Variants in NLGN1 observed in about 807,000 individuals in gnomAD.
NLGN1 encodes neuroligin-1.
In NLGN1, 12 loss-of-function variants were observed where a neutral mutation model predicts 65.5. That is an observed-to-expected ratio of 0.18 (90% CI 0.12 to 0.30). NLGN1 has a LOEUF of 0.30. Among genes scored for constraint, NLGN1 ranks in the 10% least tolerant of loss-of-function variants. The pLI, the probability that NLGN1 is intolerant of heterozygous loss-of-function variation, is 1.00. For missense variants in NLGN1, 750 were observed against 1,007.1 expected, an observed-to-expected ratio of 0.74 and a Z score of 3.46; for synonymous variants, 350 against 359.5, an observed-to-expected ratio of 0.97 and a Z score of 0.30.
intron 4 of NLGN1, among the ~76,000 whole-genome samples, chr3:174,042,402 A>T (rs1180027716): frequency 6.6e-6 from 1 of 152,154 alleles, no homozygotes; most frequent in Non-Finnish European, 1.5e-5. Context: ...CGTGAGGTAG[A>T]TGTTGAGATT....
At chr3:173,629,506 CAT>C (rs1365034967) in intron 3 of NLGN1, among the ~76,000 whole-genome samples, 7 of 152,054 alleles carry the variant, frequency 4.6e-5, no homozygotes, top group Non-Finnish European at 7.4e-5. Flanking sequence ...ATTAAAAAGA[CAT>C]ATTCTTTATT....
chr3:174,064,543 A>T (rs1738086789), intron 4 of NLGN1, among the ~76,000 whole-genome samples: 1 of 150,982 alleles, frequency 6.6e-6, no homozygotes. Flanking sequence ...GAATTTAATT[A>T]CAATGCTTAT....
intron 4 of NLGN1, among the ~76,000 whole-genome samples, chr3:173,857,742 C>G (rs1390766050): frequency 2.0e-5 from 3 of 147,686 alleles, no homozygotes; most frequent in African/African-American, 7.5e-5. Context: ...TCCAGAATCC[C>G]TTTATTCCCC....
At chr3:173,815,784 T>G (rs978586525) in intron 4 of NLGN1, among the ~76,000 whole-genome samples, 2 of 152,110 alleles carry the variant, frequency 1.3e-5, no homozygotes, top group Non-Finnish European at 2.9e-5. Flanking sequence ...AGACTAACCC[T>G]TCCTCAGAAC....
At chr3:173,858,307 T>A (rs1357230344) in intron 4 of NLGN1, among the ~76,000 whole-genome samples, 1 of 151,988 alleles carries the variant, frequency 6.6e-6, no homozygotes, top group Non-Finnish European at 1.5e-5. Flanking sequence ...TTGGACTGAG[T>A]CATATATTTT....
intron 4 of NLGN1, among the ~76,000 whole-genome samples, chr3:174,063,462 T>A (rs1580085693): frequency 6.6e-6 from 1 of 152,264 alleles, no homozygotes; most frequent in Admixed American, 6.5e-5. Flanking sequence ...AGAGATAAAC[T>A]TCTTTTATTT....
intron 4 of NLGN1, among the ~76,000 whole-genome samples, chr3:173,980,904 CTTTGTAA>C (rs1276109408): frequency 1.3e-4 from 20 of 152,212 alleles, no homozygotes; most frequent in Non-Finnish European, 1.0e-4. Flanking sequence ...GAAATTAATA[CTTTGTAA>C]TTTGATCCTT....
chr3:173,888,470 C>A (rs1343914734), intron 4 of NLGN1, among the ~76,000 whole-genome samples: 1 of 151,206 alleles, frequency 6.6e-6, no homozygotes, highest in Non-Finnish European at 1.5e-5. Flanking sequence ...TTCTTTGTTC[C>A]CAGTAAATTT....
At chr3:173,666,349 C>A (rs1483560807) in intron 3 of NLGN1, among the ~76,000 whole-genome samples, 2 of 152,010 alleles carry the variant, frequency 1.3e-5, no homozygotes, top group Admixed American at 1.3e-4. Context: ...TAATTCTGGA[C>A]CAAACCATTA....
At chr3:173,481,253 AAAC>A in intron 2 of NLGN1, among the ~76,000 whole-genome samples, 1 of 152,148 alleles carries the variant, frequency 6.6e-6, no homozygotes, top group South Asian at 2.1e-4. Context: ...TATAACAACT[AAAC>A]AAATATTTAT....
chr3:173,857,682 A>G (rs1396201937), intron 4 of NLGN1, among the ~76,000 whole-genome samples: 1 of 152,042 alleles, frequency 6.6e-6, no homozygotes, highest in East Asian at 1.9e-4. Flanking sequence ...ATTGGGCTAC[A>G]TTGAGCATCT....
At chr3:173,991,018 G>A (rs931072053) in intron 4 of NLGN1, among the ~76,000 whole-genome samples, 1 of 152,168 alleles carries the variant, frequency 6.6e-6, no homozygotes. Context: ...TTCCCACAGA[G>A]TTGTACCTTT....
chr3:173,715,887 GAA>G (rs3835154), intron 3 of NLGN1, among the ~76,000 whole-genome samples: 2 of 150,294 alleles, frequency 1.3e-5, no homozygotes, highest in Non-Finnish European at 3.0e-5. Context: ...TCAGAGTTTT[GAA>G]AAAAAAAATT....
chr3:173,582,591 A>G (rs996292944), intron 2 of NLGN1, among the ~76,000 whole-genome samples: 2 of 152,038 alleles, frequency 1.3e-5, no homozygotes, highest in African/African-American at 2.4e-5. Context: ...GACATTGAGA[A>G]TCTTTTTCTG....
chr3:174,127,458 T>C (rs1174631981), intron 4 of NLGN1, among the ~76,000 whole-genome samples: 1 of 152,132 alleles, frequency 6.6e-6, no homozygotes, highest in Admixed American at 6.6e-5. Flanking sequence ...ATAGTAACAA[T>C]AGCCCCTGCA....
chr3:173,497,542 T>G, intron 2 of NLGN1, among the ~76,000 whole-genome samples: 1 of 151,846 alleles, frequency 6.6e-6, no homozygotes. Flanking sequence ...TACACATGTA[T>G]CTATTTCATA....
At chr3:174,275,592 G>GTGA in intron 5 of NLGN1, 65 bp downstream of exon 5, 1 of 898,368 alleles carries the variant, frequency 1.1e-6, no homozygotes, top group African/African-American at 1.6e-5. Flanking sequence ...TCAGTAGTAT[G>GTGA]TGATGCTCTG....
chr3:173,722,367 A>G (rs1339060102), intron 3 of NLGN1, among the ~76,000 whole-genome samples: 1 of 149,718 alleles, frequency 6.7e-6, no homozygotes, highest in Non-Finnish European at 1.5e-5. Flanking sequence ...CTCAGTCTCC[A>G]GAGTAGCTGG....
chr3:173,791,848 C>T (rs914458149), intron 3 of NLGN1, among the ~76,000 whole-genome samples: 1 of 152,036 alleles, frequency 6.6e-6, no homozygotes, highest in Non-Finnish European at 1.5e-5. Flanking sequence ...CTGTTAAACA[C>T]TCTATTTTTG....
Sources: gnomAD v4.1 joint callset for allele counts (sites outside exome capture counted in the v4.1 genomes callset) on GRCh38, gnomAD v4.1.1 for gene constraint, MANE v1.5 for transcripts, NCBI Gene and HGNC (gene_info 2026-07-23, HGNC 2026-07-21) for gene names.